GTF2IRD1: variants seen among roughly 807,000 people sequenced by gnomAD.
GTF2IRD1 encodes GTF2I repeat domain containing 1.
GTF2IRD1 carries 26 observed loss-of-function variants against 113.2 expected under a neutral mutation model. The ratio of observed to expected loss-of-function variants is 0.23; its 90% CI spans 0.17 to 0.32. GTF2IRD1 has a LOEUF of 0.32. GTF2IRD1 is among the 10% of genes least tolerant of loss of function. The pLI is 1.00. For missense variants in GTF2IRD1, 864 were observed against 1,280.8 expected, an observed-to-expected ratio of 0.67 and a Z score of 4.97; for synonymous variants, 484 against 529.1, an observed-to-expected ratio of 0.91 and a Z score of 1.17.
At chr7:74,536,391 G>C (rs1798300402) in intron 11 of GTF2IRD1, 116 bp downstream of exon 11, 2 of 622,738 alleles carry the variant, frequency 3.2e-6, no homozygotes, top group Admixed American at 5.6e-5. Context: ...CCCCTCGAAG[G>C]TGCAAAGGGA....
chr7:74,463,531 G>A (rs1397119950), intron 1 of GTF2IRD1, among the ~76,000 whole-genome samples: 4 of 152,220 alleles, frequency 2.6e-5, no homozygotes, highest in Admixed American at 2.6e-4. Flanking sequence ...ACTGCGTCCT[G>A]CCTGTTCATC....
At chr7:74,581,223 T>G (rs1228706117) in intron 22 of GTF2IRD1, among the ~76,000 whole-genome samples, 1 of 152,196 alleles carries the variant, frequency 6.6e-6, no homozygotes, top group Admixed American at 6.5e-5. Flanking sequence ...GGTTTCACCA[T>G]GTTGGCCAGG....
chr7:74,576,280 G>T (rs1228043959), intron 22 of GTF2IRD1, among the ~76,000 whole-genome samples: 5 of 151,974 alleles, frequency 3.3e-5, no homozygotes, highest in Admixed American at 2.6e-4. Flanking sequence ...GGTGTCAGGG[G>T]CCAGGTGCAG....
intron 1 of GTF2IRD1, among the ~76,000 whole-genome samples, chr7:74,477,127 G>C (rs1012669544): frequency 2.0e-5 from 3 of 152,090 alleles, no homozygotes; most frequent in Non-Finnish European, 4.4e-5. Flanking sequence ...ACTTTGGGAG[G>C]CTGAGGAGGG....
chr7:74,514,115 G>A (rs1254469835), intron 3 of GTF2IRD1, among the ~76,000 whole-genome samples: 2 of 152,178 alleles, frequency 1.3e-5, no homozygotes, highest in Admixed American at 6.5e-5. Context: ...GGGTGGGTCT[G>A]AGGGTTAAAC....
chr7:74,480,344 G>T (rs1450030388), intron 1 of GTF2IRD1, among the ~76,000 whole-genome samples: 2 of 152,176 alleles, frequency 1.3e-5, no homozygotes, highest in African/African-American at 2.4e-5. Context: ...GGAGGCTGTG[G>T]CCGTGGGAAC....
At chr7:74,494,870 G>A (rs1795567112) in intron 1 of GTF2IRD1, among the ~76,000 whole-genome samples, 1 of 152,168 alleles carries the variant, frequency 6.6e-6, no homozygotes, top group South Asian at 2.1e-4. Flanking sequence ...TCTTGCCTCA[G>A]CCTCCCCAGT....
chr7:74,484,618 C>T (rs1462490425), intron 1 of GTF2IRD1, among the ~76,000 whole-genome samples: 2 of 152,018 alleles, frequency 1.3e-5, no homozygotes, highest in Admixed American at 1.3e-4. Flanking sequence ...GCCACCACAG[C>T]CAGCTAATTT....
chr7:74,557,519 C>T, intron 19 of GTF2IRD1, 120 bp from the exon 20 acceptor site: 1 of 663,480 alleles, frequency 1.5e-6, no homozygotes, highest in Admixed American at 2.7e-5. Context: ...GGGCCCACTC[C>T]AAAGATCCTT....
chr7:74,593,982 G>A (rs1399626742), intron 24 of GTF2IRD1, among the ~76,000 whole-genome samples: 2 of 151,666 alleles, frequency 1.3e-5, no homozygotes, highest in Admixed American at 6.6e-5. Context: ...GGCAGTTCAC[G>A]AGGTCAGGAG....
chr7:74,581,041 C>T lies in GTF2IRD1; in HGVS notation c.2321-8810C>T, dbSNP rs587615503. ...TTTTCTGGGGGGGGTTGGGGGGAGA[C>T]GGAGTTTTGCTCTTGTTGCCCAGGC... On this transcript the variant is annotated intron_variant, in intron 22 of 26. Coordinates refer to ENST00000424337, the MANE Select transcript of GTF2IRD1 (RefSeq NM_005685.4). Among the ~76,000 whole-genome samples, 253 of 151,988 alleles carry T rather than the reference C, an allele frequency of 1.7e-3. 3 individuals carry two copies. The South Asian group carries it at 0.018, about 11-fold the overall frequency.
At position 74,542,136 on chromosome 7, in the gene GTF2IRD1, G is replaced by A. The variant is rs141795980; in HGVS notation, c.1618+2168G>A. Among the ~76,000 whole-genome samples the A allele has an allele frequency of 1.4e-3, 217 of 150,638 alleles. 1 individual carries two copies. The highest frequency in any genetic ancestry group is 4.7e-3 in the African/African-American group (195 of 41,054). The stretch of plus-strand genomic sequence containing the variant: ...AAATAGGCTGGGCATGAAGAATTGC[G>A]TAATCCTAGCACTTTGGGAGGCCGA... On this transcript the variant is annotated intron_variant, in intron 14 of 26. Transcript: ENST00000424337.
chr7:74,473,560 G>T (rs1316469697), intron 1 of GTF2IRD1, among the ~76,000 whole-genome samples: 1 of 152,146 alleles, frequency 6.6e-6, no homozygotes, highest in Non-Finnish European at 1.5e-5. Context: ...AAAATGTTGG[G>T]ATTACAGGCA....
intron 11 of GTF2IRD1, 151 bp downstream of exon 11, chr7:74,536,426 T>A: frequency 1.7e-6 from 1 of 583,672 alleles, no homozygotes; most frequent in Non-Finnish European, 3.1e-6. Flanking sequence ...AGACTCCACC[T>A]ACTTCCCTCT....
chr7:74,577,882 A>T (rs1357459992), intron 22 of GTF2IRD1, among the ~76,000 whole-genome samples: 1 of 152,110 alleles, frequency 6.6e-6, no homozygotes, highest in Non-Finnish European at 1.5e-5. Context: ...CACATAGCTC[A>T]CTGTAACCTC....
At chr7:74,554,725 G>T (rs1255075610) in intron 17 of GTF2IRD1, among the ~76,000 whole-genome samples, 1 of 152,110 alleles carries the variant, frequency 6.6e-6, no homozygotes, top group African/African-American at 2.4e-5. Context: ...TTTTAGTAGA[G>T]ACGGGTTTCA....
chr7:74,471,689 AC>A (rs139776805), intron 1 of GTF2IRD1, among the ~76,000 whole-genome samples: 13,650 of 72,560 alleles, frequency 0.19, 634 homozygotes, highest in African/African-American at 0.28. Context: ...AAAAAAAAAA[AC>A]AAAAAAAAAA....
intron 22 of GTF2IRD1, among the ~76,000 whole-genome samples, chr7:74,581,139 C>T (rs1361624882): frequency 1.3e-5 from 2 of 152,264 alleles, no homozygotes; most frequent in African/African-American, 4.8e-5. Context: ...CCTGCCTCAG[C>T]CTCCCAAGTA....
chr7:74,567,305 C>G (rs781952078), intron 22 of GTF2IRD1, among the ~76,000 whole-genome samples: 7 of 150,608 alleles, frequency 4.6e-5, no homozygotes, highest in African/African-American at 9.8e-5. Flanking sequence ...TCCAACCCGG[C>G]GACACAGCGA....
Sources: allele counts gnomAD v4.1 joint callset (sites outside exome capture counted in the v4.1 genomes callset), GRCh38; gene constraint gnomAD v4.1.1; transcripts MANE v1.5; gene names NCBI Gene and HGNC (gene_info 2026-07-23, HGNC 2026-07-21).